The following SPEF2 variants were observed in gnomAD, a reference collection of about 807,000 sequenced individuals.
The protein encoded by SPEF2 is sperm flagellar and cilia associated 2, also known as sperm flagella and cilia-associated protein 2.
SPEF2 carries 187 observed loss-of-function variants against 224.6 expected under a neutral mutation model. The observed-to-expected ratio is 0.83, with a 90% CI of 0.74 to 0.94. The LOEUF is 0.94. Among genes scored for constraint, SPEF2 ranks in the 40% least tolerant of loss-of-function variants. SPEF2 has a pLI of 0.00. For missense variants in SPEF2, 2,170 were observed against 2,135.6 expected (o/e 1.02, Z -0.32); for synonymous variants, 715 against 707.3 (o/e 1.01, Z -0.17).
chr5:35,653,052 C>G (rs1417123106), intron 6 of SPEF2, among the ~76,000 whole-genome samples: 1 of 152,074 alleles, frequency 6.6e-6, no homozygotes, highest in African/African-American at 2.4e-5. Flanking sequence ...GAAGAGGATG[C>G]AGATGAGAAT....
chr5:35,810,415 G>T (rs1758462611), intron 36 of SPEF2, among the ~76,000 whole-genome samples: 1 of 152,052 alleles, frequency 6.6e-6, no homozygotes. Context: ...GCTTCACTAT[G>T]TTGGCCAGGC....
At chr5:35,692,874 A>G in intron 12 of SPEF2, 150 bp downstream of exon 12, 1 of 655,580 alleles carries the variant, frequency 1.5e-6, no homozygotes, top group Non-Finnish European at 2.3e-6. Flanking sequence ...TAGAAAATAA[A>G]TATTTAAGTT....
intron 8 of SPEF2, among the ~76,000 whole-genome samples, chr5:35,659,886 C>A (rs906539087): frequency 6.6e-6 from 1 of 151,242 alleles, no homozygotes; most frequent in African/African-American, 2.4e-5. Context: ...ATCAACAATT[C>A]CTTGCCTTCT....
chr5:35,758,041 C>CT (rs1490313594), intron 24 of SPEF2, among the ~76,000 whole-genome samples: 1 of 152,064 alleles, frequency 6.6e-6, no homozygotes, highest in Non-Finnish European at 1.5e-5. Context: ...TTGTTGTAGA[C>CT]TGCAACAAAA....
chr5:35,716,440 G>T (rs1742598219), intron 20 of SPEF2, among the ~76,000 whole-genome samples: 1 of 151,896 alleles, frequency 6.6e-6, no homozygotes, highest in Non-Finnish European at 1.5e-5. Flanking sequence ...ATGTATATTA[G>T]GTACCAAAGC....
At chr5:35,650,705 A>G (rs530861800) in intron 6 of SPEF2, among the ~76,000 whole-genome samples, 5 of 152,306 alleles carry the variant, frequency 3.3e-5, no homozygotes, top group Admixed American at 1.3e-4. Flanking sequence ...TCTATTGGTT[A>G]GTGTCCTTGC....
chr5:35,807,564 C>A, intron 36 of SPEF2: 1 of 1,332,688 alleles, frequency 7.5e-7, no homozygotes, highest in Non-Finnish European at 1.0e-6. Context: ...AAGATTCCTC[C>A]TGCCAAAGAG....
intron 3 of SPEF2, among the ~76,000 whole-genome samples, chr5:35,643,174 A>G (rs569070130): frequency 7.8e-4 from 119 of 152,092 alleles, no homozygotes; most frequent in Middle Eastern, 6.8e-3. Flanking sequence ...AAGACAAACA[A>G]GTGCCTATTA....
chr5:35,677,005 T>C (rs1210694196), intron 10 of SPEF2, among the ~76,000 whole-genome samples: 1 of 152,114 alleles, frequency 6.6e-6, no homozygotes, highest in Non-Finnish European at 1.5e-5. Context: ...CTAAGCTTTT[T>C]GGGGGTGGCT....
chr5:35,757,986 C>A (rs969898149), intron 24 of SPEF2, among the ~76,000 whole-genome samples: 1 of 152,114 alleles, frequency 6.6e-6, no homozygotes, highest in Non-Finnish European at 1.5e-5. Context: ...TTTGGCTTAA[C>A]CTTTTCTATA....
At chr5:35,648,845 C>G (rs1224718649) in intron 5 of SPEF2, among the ~76,000 whole-genome samples, 1 of 151,962 alleles carries the variant, frequency 6.6e-6, no homozygotes, top group East Asian at 1.9e-4. Flanking sequence ...GAAACCCTGT[C>G]TGTATTAAAA....
At chr5:35,631,882 A>G (rs953266215) in intron 2 of SPEF2, among the ~76,000 whole-genome samples, 1 of 152,244 alleles carries the variant, frequency 6.6e-6, no homozygotes, top group Non-Finnish European at 1.5e-5. Flanking sequence ...ATTAGGTATT[A>G]TAAGTAATCT....
chr5:35,772,173 G>A (rs953762989), intron 27 of SPEF2, among the ~76,000 whole-genome samples: 15 of 152,168 alleles, frequency 9.9e-5, no homozygotes, highest in Non-Finnish European at 2.1e-4. Flanking sequence ...TAAATCCCTG[G>A]CTCAGTAGCA....
At chr5:35,794,258 G>A (rs191954303) in intron 32 of SPEF2, among the ~76,000 whole-genome samples, 8 of 152,326 alleles carry the variant, frequency 5.3e-5, no homozygotes, top group African/African-American at 1.7e-4. Context: ...CACATTGCTG[G>A]TAGACATGAA....
chr5:35,754,781 T>A (rs2149732187), intron 24 of SPEF2, among the ~76,000 whole-genome samples: 1 of 152,252 alleles, frequency 6.6e-6, no homozygotes, highest in Non-Finnish European at 1.5e-5. Context: ...TAAGTCAAGC[T>A]AAAATAACAG....
At chr5:35,621,664 G>A (rs115684154) in intron 1 of SPEF2, among the ~76,000 whole-genome samples, 1,979 of 152,242 alleles carry the variant, frequency 0.013, 39 homozygotes, top group African/African-American at 0.044. Context: ...TGGCAAAATT[G>A]GGTGAATTAT....
At chr5:35,664,795 A>G (rs1036229940) in intron 8 of SPEF2, among the ~76,000 whole-genome samples, 1 of 141,720 alleles carries the variant, frequency 7.1e-6, no homozygotes, top group Admixed American at 7.2e-5. Context: ...AGGGAGGGAG[A>G]GAGAGGGAGA....
At chr5:35,726,347 TAG>T (rs1474613043) in intron 20 of SPEF2, among the ~76,000 whole-genome samples, 1 of 152,084 alleles carries the variant, frequency 6.6e-6, no homozygotes, top group Non-Finnish European at 1.5e-5. Flanking sequence ...AAATTGATCA[TAG>T]AGTTATCATT....
chr5:35,697,229 T>C (rs1755463308), intron 14 of SPEF2, among the ~76,000 whole-genome samples: 1 of 152,084 alleles, frequency 6.6e-6, no homozygotes, highest in Non-Finnish European at 1.5e-5. Flanking sequence ...ATATAAAAGA[T>C]AATTATTTGA....
Sources: gnomAD v4.1 joint callset for allele counts (sites outside exome capture counted in the v4.1 genomes callset) on GRCh38, gnomAD v4.1.1 for gene constraint, MANE v1.5 for transcripts, NCBI Gene and HGNC (gene_info 2026-07-23, HGNC 2026-07-21) for gene names.